The following ZNHIT6 variants were observed in gnomAD, a reference collection of about 807,000 sequenced individuals.
ZNHIT6 encodes the protein zinc finger HIT-type containing 6, also known as box C/D snoRNA protein 1.
Under a neutral mutation model 57.2 loss-of-function variants are expected in ZNHIT6, and 45 were observed. The observed-to-expected ratio is 0.79, with a 90% CI of 0.62 to 1.01. The LOEUF (loss-of-function observed/expected upper bound fraction) is 1.01, where lower values mean the gene tolerates loss of function less well. Among genes scored for constraint, ZNHIT6 ranks in the 50% least tolerant of loss-of-function variants. The pLI is 0.00. For synonymous variants in ZNHIT6, 188 were observed against 190.0 expected, an observed-to-expected ratio of 0.99 and a Z score of 0.09; for missense variants, 528 against 567.3, an observed-to-expected ratio of 0.93 and a Z score of 0.70.
chr1:85,666,791 T>G (rs983359630), intron 8 of ZNHIT6, among the ~76,000 whole-genome samples: 1 of 152,208 alleles, frequency 6.6e-6, no homozygotes, highest in Non-Finnish European at 1.5e-5. Flanking sequence ...TCCCTTTCTG[T>G]GTGTGGACAT....
At chr1:85,660,137 A>C (rs1300496389) in intron 8 of ZNHIT6, among the ~76,000 whole-genome samples, 1 of 152,210 alleles carries the variant, frequency 6.6e-6, no homozygotes, top group Non-Finnish European at 1.5e-5. Flanking sequence ...AATTATATAA[A>C]AAAGAAAAAT....
rs1662739444 is a variant in ZNHIT6, at chr1:85,707,950, G to A, written c.335C>T (p.Ala112Val). Reference protein sequence around the residue: ...EDRPEVKDENAGVLEVKQETD... With the variant: ...EDRPEVKDENVGVLEVKQETD... ...CTCCTGCTTCACCTCCAATACGCCT[G>A]CGTTCTCATCCTTCACCTCAGGCCT... is the stretch of plus-strand genomic sequence containing the variant. The change falls in exon 1 of 10, where the codon GCA becomes GTA. Residue 112 changes from alanine to valine, a missense_variant. Ala to Val is a moderately conservative substitution (Grantham distance 64, BLOSUM62 0). Transcript: ENST00000370574. 1 of 1,613,760 alleles carries A rather than the reference G, an allele frequency of 6.2e-7. No homozygotes were observed. Among genetic ancestry groups the A allele is most frequent in the Non-Finnish European group, 8.5e-7 (1 of 1,179,988 alleles).
intron 5 of ZNHIT6, among the ~76,000 whole-genome samples, chr1:85,691,000 T>C (rs910988453): frequency 5.9e-5 from 9 of 152,178 alleles, no homozygotes; most frequent in Non-Finnish European, 1.3e-4. Flanking sequence ...CACTCCAGCC[T>C]GGGTGACAGA....
intron 1 of ZNHIT6, among the ~76,000 whole-genome samples, chr1:85,707,213 A>G (rs1039470443): frequency 2.6e-5 from 4 of 152,220 alleles, no homozygotes; most frequent in Non-Finnish European, 4.4e-5. Flanking sequence ...GAAGCTTGAT[A>G]ATTGAGGTCA....
At chr1:85,688,115 A>C (rs917625507) in intron 5 of ZNHIT6, among the ~76,000 whole-genome samples, 9 of 152,220 alleles carry the variant, frequency 5.9e-5, no homozygotes, top group African/African-American at 2.2e-4. Context: ...AGAGCACAGC[A>C]AGTAGCAATA....
At chr1:85,696,727 T>C (rs1413721238) in intron 5 of ZNHIT6, among the ~76,000 whole-genome samples, 1 of 152,168 alleles carries the variant, frequency 6.6e-6, no homozygotes, top group Non-Finnish European at 1.5e-5. Flanking sequence ...TGTACCAATT[T>C]AACTATCAAC....
intron 7 of ZNHIT6, among the ~76,000 whole-genome samples, chr1:85,677,601 T>A (rs986834074): frequency 1.3e-5 from 2 of 152,188 alleles, no homozygotes; most frequent in African/African-American, 4.8e-5. Context: ...TACTGGCAAA[T>A]ATATGACTAA....
intron 8 of ZNHIT6, among the ~76,000 whole-genome samples, chr1:85,673,234 G>A (rs937074498): frequency 3.3e-5 from 5 of 152,068 alleles, no homozygotes; most frequent in African/African-American, 7.2e-5. Flanking sequence ...TCTAGACTTT[G>A]GCATACTCAC....
chr1:85,684,711 C>G (rs1180153602), intron 5 of ZNHIT6, among the ~76,000 whole-genome samples: 1 of 151,960 alleles, frequency 6.6e-6, no homozygotes, highest in Non-Finnish European at 1.5e-5. Flanking sequence ...CATTTGTTTA[C>G]AAAAATAGAA....
chr1:85,674,216 T>A (rs1466455678), intron 8 of ZNHIT6, among the ~76,000 whole-genome samples: 3 of 152,142 alleles, frequency 2.0e-5, no homozygotes, highest in African/African-American at 7.2e-5. Flanking sequence ...ATAGCAAAAA[T>A]GGGGGAATTT....
chr1:85,706,610 A>AG, intron 1 of ZNHIT6, 103 bp from the exon 2 acceptor site: 3 of 1,076,148 alleles, frequency 2.8e-6, no homozygotes, highest in South Asian at 2.4e-5. Flanking sequence ...CAAGTAACTG[A>AG]TAAAATATTT....
In ZNHIT6 at chr1:85,702,192, G is replaced by A; in HGVS notation, c.984C>T (p.Thr328=). ...AAAAGGTTGAATTCTCCTTCCTCTT[G>A]GTGAATCCATTGGGTAGAAGTTTTA... ...INLKLLPNGF[T]KRKENSTFFD... Residue 328 remains threonine (T), a synonymous_variant, in exon 5 of 10, where the codon ACC becomes ACT. Transcript: ENST00000370574. 1.9e-6 allele frequency: 3 copies of A among 1,610,372 alleles called. No homozygotes were observed. The highest frequency in any genetic ancestry group is 2.5e-6 in the Non-Finnish European group (3 of 1,178,852).
In ZNHIT6 at chr1:85,654,009, C is replaced by T; in HGVS notation, c.*49G>A. On this transcript the variant is annotated 3_prime_UTR_variant, in exon 10 of 10. Transcript: ENST00000370574. ...AGCCAACAGCCCATCAATGCAGAGT[C>T]TGCTGCAGTTGTCTGGAAGTTTTCA... The T allele has an allele frequency of 6.5e-7, 1 of 1,544,022 alleles. No individual in the cohort carries two copies. Among genetic ancestry groups the T allele is most frequent in the East Asian group, 2.3e-5 (1 of 44,398 alleles).
intron 9 of ZNHIT6, among the ~76,000 whole-genome samples, chr1:85,655,315 TAAGG>T (rs777465850): frequency 5.9e-5 from 9 of 151,988 alleles, no homozygotes; most frequent in Non-Finnish European, 1.0e-4. Context: ...AAAAGAGAAG[TAAGG>T]AAGAATGAGG....
intron 5 of ZNHIT6, among the ~76,000 whole-genome samples, chr1:85,690,562 C>T (rs1261936600): frequency 6.6e-6 from 1 of 152,158 alleles, no homozygotes; most frequent in African/African-American, 2.4e-5. Flanking sequence ...TGCTACCATA[C>T]CCCATGAGTA....
intron 8 of ZNHIT6, among the ~76,000 whole-genome samples, chr1:85,674,914 G>T (rs1320247320): frequency 1.3e-5 from 2 of 152,076 alleles, no homozygotes; most frequent in African/African-American, 2.4e-5. Flanking sequence ...ATAAACAGGG[G>T]ATACTGAGTA....
intron 8 of ZNHIT6, among the ~76,000 whole-genome samples, chr1:85,667,955 A>AG (rs1661420909): frequency 6.0e-5 from 1 of 16,788 alleles, no homozygotes; most frequent in Non-Finnish European, 1.3e-4. Context: ...TTCAAAAAAA[A>AG]AAAAAAATAT....
intron 6 of ZNHIT6, among the ~76,000 whole-genome samples, chr1:85,679,258 G>A (rs1264751844): frequency 6.6e-6 from 1 of 152,136 alleles, no homozygotes; most frequent in Non-Finnish European, 1.5e-5. Context: ...TTCCATATAT[G>A]CACGCTGTTT....
At chr1:85,687,292 AAAAAAACAAAAAAAAAAAAC>A (rs1662081245) in intron 5 of ZNHIT6, among the ~76,000 whole-genome samples, 1 of 132,884 alleles carries the variant, frequency 7.5e-6, no homozygotes, top group Non-Finnish European at 1.6e-5. Flanking sequence ...AAAAAACAAA[AAAAAAACAAAAAAAAAAAAC>A]AATTTAGAAC....
Sources: allele counts gnomAD v4.1 joint callset (sites outside exome capture counted in the v4.1 genomes callset), GRCh38; gene constraint gnomAD v4.1.1; transcripts MANE v1.5; gene names NCBI Gene and HGNC (gene_info 2026-07-23, HGNC 2026-07-21).